The following LOC101059915 variants were observed in gnomAD, a reference collection of about 807,000 sequenced individuals.
At chrX:71,667,743 C>T in the LOC101059915 span, 4 of 991,244 alleles carry the variant, frequency 4.0e-6, no homozygotes, top group African/African-American at 6.1e-5. Context: ...CGGCTCTCCT[C>T]TCCCACTGTT....
the LOC101059915 span, chrX:71,667,662 T>C: frequency 1.7e-6 from 1 of 572,572 alleles, no homozygotes; most frequent in Non-Finnish European, 2.3e-6. Context: ...AGCACCACCC[T>C]TCCCTGCTGT....
chrX:71,670,490 C>G, the LOC101059915 span: 1 of 1,072,567 alleles, frequency 9.3e-7, no homozygotes, highest in Non-Finnish European at 1.2e-6. Context: ...TTGTGCCAAT[C>G]CACCTCACCA....
chrX:71,667,890 G>A, the LOC101059915 span: 3 of 1,112,567 alleles, frequency 2.7e-6, no homozygotes, highest in Non-Finnish European at 2.4e-6. Flanking sequence ...CCGCCAGCCC[G>A]GGAGCCCCAC....
At chrX:71,669,569 A>G in the LOC101059915 span, 1 of 959,579 alleles carries the variant, frequency 1.0e-6, no homozygotes, top group East Asian at 4.1e-5. Flanking sequence ...CTTCCCACAC[A>G]GAAGCCAGAG....
chrX:71,667,992 G>A, the LOC101059915 span: 160 of 1,164,795 alleles, frequency 1.4e-4, no homozygotes, highest in Non-Finnish European at 1.8e-4. Context: ...CAGATCCCGA[G>A]AGCTTCAGCT....
chrX:71,670,788 G>A, the LOC101059915 span: 2 of 1,077,541 alleles, frequency 1.9e-6, no homozygotes, highest in Admixed American at 4.3e-5. Context: ...AACCAAGCAG[G>A]CCTGGCCCTG....
chrX:71,667,759 G>A, the LOC101059915 span: 1 of 1,017,488 alleles, frequency 9.8e-7, no homozygotes. Context: ...CTGTTACCAG[G>A]ACGACTGTCT....
At chrX:71,668,712 C>A in the LOC101059915 span, 1 of 1,077,380 alleles carries the variant, frequency 9.3e-7, no homozygotes, top group Non-Finnish European at 1.2e-6. Context: ...TCAGGCCCAG[C>A]TGCTCAGGAG....
At chrX:71,671,454 T>TCCTCTCTTCTG in the LOC101059915 span, 1 of 402,434 alleles carries the variant, frequency 2.5e-6, no homozygotes. Context: ...AGCCAGGGCT[T>TCCTCTCTTCTG]CCTCTCTTCT....
At chrX:71,670,981 T>A in the LOC101059915 span, 1 of 754,583 alleles carries the variant, frequency 1.3e-6, no homozygotes, top group South Asian at 6.7e-5. Flanking sequence ...GGCTGGCTTA[T>A]CTGTCTTTGA....
At chrX:71,671,366 A>G in the LOC101059915 span, 5 of 783,660 alleles carry the variant, frequency 6.4e-6, no homozygotes, top group Non-Finnish European at 9.0e-6. Flanking sequence ...TGGAGCCAGC[A>G]TCTTCCTACA....
chrX:71,667,883 C>G, the LOC101059915 span: 1 of 1,110,566 alleles, frequency 9.0e-7, no homozygotes, highest in Non-Finnish European at 1.2e-6. Flanking sequence ...GCCCACACCG[C>G]CAGCCCGGGA....
chrX:71,670,711 T>G, the LOC101059915 span: 2 of 1,104,323 alleles, frequency 1.8e-6, no homozygotes, highest in Admixed American at 7.4e-5. Context: ...GTTCTGCAGG[T>G]GCTGGTGGTG....
At chrX:71,669,533 G>A in the LOC101059915 span, 1 of 957,607 alleles carries the variant, frequency 1.0e-6, no homozygotes, top group Non-Finnish European at 1.3e-6. Context: ...CCCACTGCCA[G>A]CCTGACTCAG....
chrX:71,670,394 C>T, the LOC101059915 span: 3 of 1,159,634 alleles, frequency 2.6e-6, no homozygotes, highest in African/African-American at 5.5e-5. Context: ...GATCCATGTC[C>T]AGGTTAAACT....
the LOC101059915 span, chrX:71,669,138 C>A: frequency 9.9e-7 from 1 of 1,007,231 alleles, no homozygotes; most frequent in East Asian, 3.5e-5. Flanking sequence ...CCAGCACACG[C>A]CTCTTTGCCC....
At chrX:71,667,658 A>C in the LOC101059915 span, 1 of 548,216 alleles carries the variant, frequency 1.8e-6, no homozygotes, top group African/African-American at 2.5e-5. Flanking sequence ...CCAGAGCACC[A>C]CCCTTCCCTG....
At chrX:71,671,190 C>T in the LOC101059915 span, 9 of 1,165,067 alleles carry the variant, frequency 7.7e-6, no homozygotes, top group Non-Finnish European at 1.0e-5. Flanking sequence ...GTACCCAGTT[C>T]TGTCTCTCTG....
At chrX:71,668,709 C>T in the LOC101059915 span, 1 of 1,076,842 alleles carries the variant, frequency 9.3e-7, no homozygotes, top group Non-Finnish European at 1.2e-6. Flanking sequence ...GGGTCAGGCC[C>T]AGCTGCTCAG....
Sources: gnomAD v4.1 joint callset for allele counts on GRCh38, gnomAD v4.1.1 for gene constraint, MANE v1.5 for transcripts.